PRKAR2A: variants seen among roughly 807,000 people sequenced by gnomAD.
The protein encoded by PRKAR2A is cAMP-dependent protein kinase type II-alpha regulatory subunit.
A neutral mutation model predicts 51.9 loss-of-function variants in PRKAR2A; 29 were observed. The observed-to-expected ratio is 0.56, with a 90% confidence interval of 0.42 to 0.76. The LOEUF is 0.76. Among genes scored for constraint, PRKAR2A ranks in the 30% least tolerant of loss-of-function variants. The pLI is 0.00. For synonymous variants in PRKAR2A, 178 were observed against 186.2 expected (o/e 0.96, Z 0.36); for missense variants, 445 against 512.1 (o/e 0.87, Z 1.26).
rs141689884 is a variant in PRKAR2A, at chr3:48,792,789, C to T, written c.351+1208G>A. On this transcript the variant is annotated intron_variant, in intron 3 of 10. Coordinates refer to ENST00000265563, the MANE Select transcript of PRKAR2A (RefSeq NM_004157.4). ...AACATCAATCTTTTAAAAATGATAG[C>T]TCATATATGCCCTCATAAAAGTAAT... Among the ~76,000 whole-genome samples, 384 of 152,090 alleles carry T rather than the reference C, an allele frequency of 2.5e-3. 3 individuals carry two copies. The highest frequency in any genetic ancestry group is 8.4e-3 in the African/African-American group (348 of 41,514).
chr3:48,832,272 C>T lies in PRKAR2A; in HGVS notation c.262+15063G>A, dbSNP rs180999738. Among the ~76,000 whole-genome samples, 18 of 135,270 alleles carry T rather than the reference C, an allele frequency of 1.3e-4. No homozygotes were observed. In the East Asian group the frequency reaches 2.8e-3, roughly 21 times the overall value. 88.7% of individuals were successfully genotyped at this position (135,270 alleles called of 152,430 possible). On this transcript the variant is annotated intron_variant, in intron 1 of 10. Coordinates refer to ENST00000265563, the MANE Select transcript of PRKAR2A (RefSeq NM_004157.4). ...TCATGCCATTGCACTCCAGCCTGGG[C>T]AGCAAGAGTGAAAAACTTCATCTCA...
chr3:48,812,765 G>A (rs1304986009), intron 1 of PRKAR2A, among the ~76,000 whole-genome samples: 2 of 152,198 alleles, frequency 1.3e-5, no homozygotes, highest in South Asian at 2.1e-4. Flanking sequence ...TACAAGGCGT[G>A]AGCCACTGCG....
chr3:48,821,986 G>C (rs1170478077), intron 1 of PRKAR2A, among the ~76,000 whole-genome samples: 1 of 151,504 alleles, frequency 6.6e-6, no homozygotes, highest in Non-Finnish European at 1.5e-5. Flanking sequence ...CAGCACTTTG[G>C]GAGGCCAAGG....
chr3:48,803,760 T>TA (rs1486777580), intron 2 of PRKAR2A, among the ~76,000 whole-genome samples: 1 of 152,034 alleles, frequency 6.6e-6, no homozygotes, highest in Non-Finnish European at 1.5e-5. Flanking sequence ...CGCAGTGGCT[T>TA]ACGCTGGGAG....
chr3:48,843,357 C>T (rs952008728), intron 1 of PRKAR2A, among the ~76,000 whole-genome samples: 8 of 151,924 alleles, frequency 5.3e-5, no homozygotes, highest in African/African-American at 1.9e-4. Flanking sequence ...TTCAAAAAAC[C>T]AGCTCCTGGA....
At chr3:48,755,097 C>T (rs1034024601) in intron 9 of PRKAR2A, among the ~76,000 whole-genome samples, 2 of 149,862 alleles carry the variant, frequency 1.3e-5, no homozygotes, top group South Asian at 2.1e-4. Flanking sequence ...CCCGGGTTCA[C>T]GCCATTCTCC....
At chr3:48,836,476 TA>T (rs59774827) in intron 1 of PRKAR2A, among the ~76,000 whole-genome samples, 85,242 of 121,844 alleles carry the variant, frequency 0.7, 29,242 homozygotes, top group East Asian at 0.92. Context: ...ATATATATAT[TA>T]AAAAAAAAAA....
chr3:48,765,053 TC>T lies in PRKAR2A; in HGVS notation c.823del (p.Asp275MetfsTer2). The T allele has an allele frequency of 6.2e-7, 1 of 1,614,138 alleles. No individual in the cohort carries two copies. Among genetic ancestry groups the T allele is most frequent in the Non-Finnish European group, 8.5e-7 (1 of 1,179,992 alleles). On this transcript the variant is annotated frameshift_variant, in exon 8 of 11. Coordinates refer to ENST00000265563, the MANE Select transcript of PRKAR2A (RefSeq NM_004157.4). LOFTEE classifies it high-confidence loss of function. ...LEVSERMKIV[D>X]VIGEKIYKDG... ...CTTATAGATCTTCTCTCCTATTACA[TC>T]CACAATCTTCATTCGTTCTGACACC...
rs2081573430 is a variant in PRKAR2A, at chr3:48,747,263, A to G, written c.*4322T>C. ...AGTTCATGACAAGAACAAAAATTCC[A>G]ACATCAGCCAACTGAAAATAAAAGA... On this transcript the variant is annotated 3_prime_UTR_variant, in exon 11 of 11. Coordinates refer to ENST00000265563, the MANE Select transcript of PRKAR2A (RefSeq NM_004157.4). 6.6e-6 allele frequency: 1 copy of G among 152,130 alleles called. No individual in the cohort carries two copies. Among genetic ancestry groups the G allele is most frequent in the South Asian group, 2.1e-4 (1 of 4,826 alleles). 9.4% of individuals were successfully genotyped at this position (152,130 alleles called of 1,614,324 possible). A position where few individuals can be genotyped will look rare whatever the true frequency, so the allele number is the denominator to read the frequency against.
intron 3 of PRKAR2A, among the ~76,000 whole-genome samples, chr3:48,791,334 C>T (rs1322466325): frequency 2.9e-5 from 4 of 139,568 alleles, no homozygotes; most frequent in South Asian, 2.3e-4. Flanking sequence ...TGGTGGCGCA[C>T]GCCTGTAATC....
intron 8 of PRKAR2A, among the ~76,000 whole-genome samples, chr3:48,763,083 C>T (rs1278508283): frequency 6.6e-6 from 1 of 152,176 alleles, no homozygotes; most frequent in Admixed American, 6.6e-5. Context: ...TACACTTAAA[C>T]TTAGTAATTT....
intron 2 of PRKAR2A, among the ~76,000 whole-genome samples, chr3:48,799,455 T>C (rs1373872215): frequency 6.6e-6 from 1 of 152,168 alleles, no homozygotes; most frequent in Non-Finnish European, 1.5e-5. Context: ...GACTTCAATA[T>C]ATGAATTTGG....
intron 1 of PRKAR2A, among the ~76,000 whole-genome samples, chr3:48,830,349 G>A (rs1372740449): frequency 6.6e-6 from 1 of 152,064 alleles, no homozygotes; most frequent in Non-Finnish European, 1.5e-5. Flanking sequence ...GTCTTTAGGG[G>A]CAAAAACACA....
At chr3:48,768,667 C>T (rs1038097906) in intron 6 of PRKAR2A, among the ~76,000 whole-genome samples, 1 of 152,108 alleles carries the variant, frequency 6.6e-6, no homozygotes, top group Admixed American at 6.6e-5. Context: ...CACTATACTC[C>T]AGCCTGGGCA....
At position 48,823,626 on chromosome 3, in the gene PRKAR2A, T is replaced by A. The variant is rs199894286; in HGVS notation, c.263-15942A>T. ...GGGAGACTCCATCTCTACAAAAAAA[T>A]TTTTTTTTAATTAGCTGGGTATGGT... is the stretch of plus-strand genomic sequence containing the variant. On this transcript the variant is annotated intron_variant, in intron 1 of 10. Coordinates refer to ENST00000265563, the MANE Select transcript of PRKAR2A (RefSeq NM_004157.4). 5.1e-3 allele frequency among the ~76,000 whole-genome samples: 755 copies of A among 146,844 alleles called. 2 individuals carry two copies. Among genetic ancestry groups the A allele is most frequent in the African/African-American group, 0.013 (538 of 40,666 alleles).
rs930182594 is a variant in PRKAR2A at position 48,836,304 on chromosome 3, A to T, written c.262+11031T>A. On this transcript the variant is annotated intron_variant, in intron 1 of 10. Transcript: ENST00000265563. The stretch of plus-strand genomic sequence containing the variant: ...CGTGGTGACGGGTACCTGTAATCCC[A>T]GCTACTCGGGAAACTGAGGCAGGAG... Among the ~76,000 whole-genome samples, 3 of 150,916 alleles carry T rather than the reference A, an allele frequency of 2.0e-5. No individual in the cohort carries two copies. In the East Asian group the frequency reaches 5.9e-4, roughly 29 times the overall value.
intron 1 of PRKAR2A, among the ~76,000 whole-genome samples, chr3:48,836,287 C>T (rs566842052): frequency 5.3e-5 from 8 of 151,050 alleles, no homozygotes; most frequent in Non-Finnish European, 1.2e-4. Context: ...GGCGTGGTGA[C>T]GGGTACCTGT....
intron 4 of PRKAR2A, among the ~76,000 whole-genome samples, chr3:48,790,121 A>G (rs2082361469): frequency 6.6e-6 from 1 of 152,122 alleles, no homozygotes; most frequent in African/African-American, 2.4e-5. Context: ...CTAAGTGACT[A>G]ATGGGCAGGT....
intron 4 of PRKAR2A, among the ~76,000 whole-genome samples, chr3:48,786,902 T>C (rs143211379): frequency 6.6e-6 from 1 of 152,198 alleles, no homozygotes; most frequent in East Asian, 1.9e-4. Context: ...GGACACAATA[T>C]AATTTCTGTG....
Sources: gnomAD v4.1 joint callset for allele counts (sites outside exome capture counted in the v4.1 genomes callset) on GRCh38, gnomAD v4.1.1 for gene constraint, MANE v1.5 for transcripts, NCBI Gene and HGNC (gene_info 2026-07-23, HGNC 2026-07-21) for gene names.